Variants in AFF2 observed in about 807,000 individuals in gnomAD.
AFF2 encodes the protein ALF transcription elongation factor 2, also known as AF4/FMR2 family member 2.
In AFF2, 14 loss-of-function variants were observed where a neutral mutation model predicts 76.9. The ratio of observed to expected loss-of-function variants is 0.18; its 90% CI spans 0.12 to 0.28. The LOEUF is 0.28. AFF2 is among the 10% of genes least tolerant of loss of function. The pLI, the probability that AFF2 is intolerant of heterozygous loss-of-function variation, is 1.00. For synonymous variants in AFF2, 398 were observed against 366.7 expected (o/e 1.09, Z -0.98); for missense variants, 868 against 1,001.1 (o/e 0.87, Z 1.79).
At chrX:148,920,622 G>A (rs781903519) in intron 9 of AFF2, among the ~76,000 whole-genome samples, 60 of 25,659 alleles carry the variant, frequency 2.3e-3, no homozygotes, top group African/African-American at 5.2e-3. Context: ...GTGAGTGTGC[G>A]TGTGTGTGCG....
chrX:148,914,403 A>G (rs1214616197), intron 9 of AFF2, among the ~76,000 whole-genome samples: 6 of 111,950 alleles, frequency 5.4e-5, no homozygotes, highest in African/African-American at 2.0e-4. Context: ...CACACTGCCA[A>G]ATATTAATAC....
chrX:148,923,160 C>T (rs1040480637), intron 9 of AFF2, among the ~76,000 whole-genome samples: 3 of 111,609 alleles, frequency 2.7e-5, no homozygotes, highest in Non-Finnish European at 5.6e-5. Flanking sequence ...TTATAAAGTA[C>T]GTGCACATTT....
chrX:148,772,483 A>T (rs1417310052), intron 3 of AFF2, among the ~76,000 whole-genome samples: 1 of 110,018 alleles, frequency 9.1e-6, no homozygotes, highest in Non-Finnish European at 1.9e-5. Context: ...TTATTATAGA[A>T]GAGTGGCTTA....
intron 1 of AFF2, among the ~76,000 whole-genome samples, chrX:148,505,880 T>C (rs1172846455): frequency 1.8e-5 from 2 of 111,882 alleles, no homozygotes; most frequent in African/African-American, 6.5e-5. Flanking sequence ...ACTTGCTTAC[T>C]GATAAATGGA....
At chrX:148,528,819 G>A (rs782260781) in intron 1 of AFF2, among the ~76,000 whole-genome samples, 10 of 111,322 alleles carry the variant, frequency 9.0e-5, no homozygotes. Context: ...ACACATCTGG[G>A]TATGGAATTT....
chrX:148,654,304 C>T (rs1557256760), intron 2 of AFF2, among the ~76,000 whole-genome samples: 1 of 111,273 alleles, frequency 9.0e-6, no homozygotes, highest in East Asian at 2.8e-4. Context: ...TAATTGGTGA[C>T]CTTATGGAGA....
At chrX:148,867,387 G>C (rs1258084582) in intron 7 of AFF2, among the ~76,000 whole-genome samples, 4 of 112,221 alleles carry the variant, frequency 3.6e-5, no homozygotes, top group African/African-American at 9.7e-5. Flanking sequence ...TGGTAAAAGA[G>C]ATGAGGGAAG....
At chrX:148,774,926 T>C (rs1253563020) in intron 3 of AFF2, among the ~76,000 whole-genome samples, 4 of 112,188 alleles carry the variant, frequency 3.6e-5, no homozygotes, top group Admixed American at 1.9e-4. Context: ...GTGGACTTTA[T>C]TGGACTTGAA....
chrX:148,715,493 C>CT (rs1182482956), intron 3 of AFF2, among the ~76,000 whole-genome samples: 1 of 111,261 alleles, frequency 9.0e-6, no homozygotes, highest in African/African-American at 3.3e-5. Context: ...GCATAGCTCT[C>CT]TCCTGTTGCT....
At chrX:148,855,206 C>T (rs1301104833) in intron 7 of AFF2, among the ~76,000 whole-genome samples, 1 of 111,147 alleles carries the variant, frequency 9.0e-6, no homozygotes, top group African/African-American at 3.3e-5. Flanking sequence ...ACCTCATTTG[C>T]GAGTCTCTTC....
intron 3 of AFF2, among the ~76,000 whole-genome samples, chrX:148,788,561 G>A (rs1377323296): frequency 9.0e-6 from 1 of 111,662 alleles, no homozygotes; most frequent in Non-Finnish European, 1.9e-5. Flanking sequence ...TTATGCTTGG[G>A]TGGTCATATT....
intron 7 of AFF2, among the ~76,000 whole-genome samples, chrX:148,861,270 T>A (rs1261089282): frequency 8.9e-6 from 1 of 112,170 alleles, no homozygotes; most frequent in Non-Finnish European, 1.9e-5. Flanking sequence ...ATGATGTGAA[T>A]AGTTGAGGCA....
rs1557231617 is a variant in AFF2, at chrX:148,500,702, CGCCG to C, written c.-395_-392del. 7.4e-5 allele frequency: 7 copies of C among 94,942 alleles called. No individual in the cohort carries two copies. The highest frequency in any genetic ancestry group is 3.5e-4 in the East Asian group (1 of 2,871). The allele number at this position is 94,942 out of a possible 1,213,427, so 7.8% of individuals were successfully genotyped here. On this transcript the variant is annotated 5_prime_UTR_variant, in exon 1 of 21. Coordinates refer to ENST00000370460, the MANE Select transcript of AFF2 (RefSeq NM_002025.4). Reference sequence around the variant, plus strand: ...GCCGCCGCTGCCGCCCCGGCTGCCGCGCCGCGCCGCTGCCTCTGCCCCGGCCGCC... The same window carrying C: ...GCCGCCGCTGCCGCCCCGGCTGCCGCCGCCGCTGCCTCTGCCCCGGCCGCC...
intron 3 of AFF2, among the ~76,000 whole-genome samples, chrX:148,741,350 C>G (rs2055349027): frequency 9.1e-6 from 1 of 110,481 alleles, no homozygotes; most frequent in Non-Finnish European, 1.9e-5. Context: ...TCCCAAGTCA[C>G]TGGAGTTATG....
chrX:148,762,966 C>G (rs1557267446), intron 3 of AFF2, among the ~76,000 whole-genome samples: 1 of 112,376 alleles, frequency 8.9e-6, no homozygotes, highest in Non-Finnish European at 1.9e-5. Context: ...GGTCACTGAT[C>G]TTACAGCCCA....
intron 3 of AFF2, among the ~76,000 whole-genome samples, chrX:148,773,748 G>GAAAGAAAGAA (rs2069633054): frequency 1.1e-5 from 1 of 91,959 alleles, no homozygotes; most frequent in Non-Finnish European, 2.2e-5. Flanking sequence ...GAAAGAAAGA[G>GAAAGAAAGAA]AAAGAAAGAA....
At chrX:148,918,329 G>A (rs374236193) in intron 9 of AFF2, among the ~76,000 whole-genome samples, 1 of 111,978 alleles carries the variant, frequency 8.9e-6, no homozygotes, top group African/African-American at 3.3e-5. Context: ...GGTGAGACTC[G>A]CGGTAGTTTT....
intron 5 of AFF2, among the ~76,000 whole-genome samples, chrX:148,842,267 C>A (rs1329371247): frequency 8.9e-6 from 1 of 112,516 alleles, no homozygotes; most frequent in African/African-American, 3.2e-5. Flanking sequence ...GTGTGCCACA[C>A]TCCAAGCAAG....
At chrX:148,573,842 C>A (rs1439699403) in intron 1 of AFF2, among the ~76,000 whole-genome samples, 1 of 111,019 alleles carries the variant, frequency 9.0e-6, no homozygotes, top group African/African-American at 3.3e-5. Flanking sequence ...AATCATGATT[C>A]CACAGTAAAG....
Sources: allele counts gnomAD v4.1 joint callset (sites outside exome capture counted in the v4.1 genomes callset), GRCh38; gene constraint gnomAD v4.1.1; transcripts MANE v1.5; gene names NCBI Gene and HGNC (gene_info 2026-07-23, HGNC 2026-07-21).